OR10J1: variants seen among roughly 807,000 people sequenced by gnomAD.
OR10J1 encodes the protein olfactory receptor 10J1.
For synonymous variants in OR10J1, 202 were observed against 143.8 expected, an observed-to-expected ratio of 1.40 and a Z score of -2.89; for missense variants, 474 against 376.6, an observed-to-expected ratio of 1.26 and a Z score of -2.14.
chr1:159,439,579 T>C (rs1655842457), upstream of OR10J1: 2 of 627,730 alleles, frequency 3.2e-6, no homozygotes, highest in South Asian at 2.0e-5. Context: ...GATTCTATGA[T>C]GCATGGAAAA....
the OR10J1 span, among the ~76,000 whole-genome samples, chr1:159,420,640 T>C: frequency 6.6e-6 from 1 of 152,078 alleles, no homozygotes; most frequent in African/African-American, 2.4e-5. Flanking sequence ...ACTCTATTTC[T>C]CCTTTATATA....
At chr1:159,411,455 G>T in the OR10J1 span, among the ~76,000 whole-genome samples, 1 of 152,092 alleles carries the variant, frequency 6.6e-6, no homozygotes, top group African/African-American at 2.4e-5. Flanking sequence ...TTATGCAGTG[G>T]CCTTCTTTGT....
At position 159,440,390 on chromosome 1, in the gene OR10J1, T is replaced by C; in HGVS notation, c.599T>C (p.Ile200Thr). The C allele has an allele frequency of 6.2e-7, 1 of 1,614,166 alleles. No individual in the cohort carries two copies. The change falls in exon 1 of 1, where the codon ATT becomes ACT. Residue 200 changes from isoleucine (I) to threonine (T), a missense_variant. Physicochemically the swap from Ile to Thr is moderately conservative, Grantham distance 89. Transcript: ENST00000423932. ...ACTGTCAATGAAATCCTGACTTTGA[T>C]TATCAGTGTGCTGGTGCTTGTTGTA... Reference protein sequence around the residue: ...DTTVNEILTLIISVLVLVVPM... With the variant: ...DTTVNEILTLTISVLVLVVPM...
At chr1:159,437,694 A>C (rs1655776248), upstream of OR10J1, among the ~76,000 whole-genome samples, 1 of 134,396 alleles carries the variant, frequency 7.4e-6, no homozygotes, top group Non-Finnish European at 1.7e-5. Flanking sequence ...TGATACCTGC[A>C]TCCTCCCAGC....
the OR10J1 span, among the ~76,000 whole-genome samples, chr1:159,397,635 G>A: frequency 1.4e-4 from 21 of 152,166 alleles, no homozygotes; most frequent in African/African-American, 4.1e-4. Flanking sequence ...GGCCATGGGC[G>A]GTGGGGGCTA....
chr1:159,398,105 C>T, the OR10J1 span, among the ~76,000 whole-genome samples: 1 of 152,186 alleles, frequency 6.6e-6, no homozygotes, highest in Non-Finnish European at 1.5e-5. Flanking sequence ...GAATCTCTGC[C>T]TGGTAATACA....
chr1:159,436,083 A>G (rs1655729950), upstream of OR10J1, among the ~76,000 whole-genome samples: 1 of 152,152 alleles, frequency 6.6e-6, no homozygotes, highest in Non-Finnish European at 1.5e-5. Context: ...CCTTTTTGCC[A>G]GATACCACAT....
chr1:159,433,511 G>A (rs902758606), upstream of OR10J1, among the ~76,000 whole-genome samples: 4 of 152,210 alleles, frequency 2.6e-5, no homozygotes, highest in South Asian at 8.3e-4. Context: ...AGGTGAACTT[G>A]ACTTCATGAA....
the OR10J1 span, among the ~76,000 whole-genome samples, chr1:159,401,736 C>A: frequency 6.6e-6 from 1 of 151,962 alleles, no homozygotes; most frequent in African/African-American, 2.4e-5. Flanking sequence ...ATACGTCAAA[C>A]TCATTCTACA....
the OR10J1 span, among the ~76,000 whole-genome samples, chr1:159,424,506 T>C: frequency 1.4e-4 from 21 of 150,624 alleles, no homozygotes; most frequent in East Asian, 3.5e-3. Context: ...TACATGTATG[T>C]GTGTGTATAT....
chr1:159,405,997 C>T, the OR10J1 span: 1 of 444,434 alleles, frequency 2.3e-6, no homozygotes, highest in Non-Finnish European at 4.3e-6. Flanking sequence ...CAGAAGACCA[C>T]ATAGCAATCA....
the OR10J1 span, among the ~76,000 whole-genome samples, chr1:159,409,188 C>G: frequency 9.6e-4 from 146 of 152,182 alleles, 3 homozygotes; most frequent in South Asian, 0.029. Flanking sequence ...AGATAACTTG[C>G]ACACTGGAGA....
At chr1:159,438,280 T>C (rs142180293), upstream of OR10J1, among the ~76,000 whole-genome samples, 1 of 152,336 alleles carries the variant, frequency 6.6e-6, no homozygotes, top group African/African-American at 2.4e-5. Flanking sequence ...GATAAGATGA[T>C]ATTTTAGCCG....
the OR10J1 span, among the ~76,000 whole-genome samples, chr1:159,415,409 A>G: frequency 5.8e-4 from 88 of 152,092 alleles, no homozygotes; most frequent in African/African-American, 2.1e-3. Flanking sequence ...TGAATTCTCT[A>G]TTCTGTTTCA....
the OR10J1 span, chr1:159,406,143 A>T: frequency 4.2e-6 from 2 of 481,038 alleles, no homozygotes; most frequent in South Asian, 3.3e-5. Context: ...AATGGCCACC[A>T]TGTAGCAGGT....
At chr1:159,413,245 T>G in the OR10J1 span, among the ~76,000 whole-genome samples, 1 of 152,190 alleles carries the variant, frequency 6.6e-6, no homozygotes, top group Non-Finnish European at 1.5e-5. Flanking sequence ...TTGGTGGGAC[T>G]GTAAACTAGT....
the OR10J1 span, among the ~76,000 whole-genome samples, chr1:159,423,902 A>C: frequency 3.9e-5 from 6 of 152,302 alleles, no homozygotes; most frequent in East Asian, 1.2e-3. Context: ...GAGCTTTTTT[A>C]TTAGATATGA....
chr1:159,413,668 A>G, the OR10J1 span, among the ~76,000 whole-genome samples: 2 of 139,162 alleles, frequency 1.4e-5, no homozygotes, highest in African/African-American at 5.3e-5. Flanking sequence ...GAAGGGGAAC[A>G]TCACACTCTA....
In OR10J1 at chr1:159,440,564, A is replaced by T. The variant is rs41264479; in HGVS notation, c.773A>T (p.Tyr258Phe). 4.2e-3 allele frequency: 6,770 copies of T among 1,613,462 alleles called. 33 individuals are homozygous for T. Among genetic ancestry groups the T allele is most frequent in the Non-Finnish European group, 5.1e-3 (6,004 of 1,179,878 alleles). ...CACTACAGCTGTGCCTCCATTGCCTACCTCAAGCCCAAGTCAGAGAACACC... is the reference window on the plus strand; with the variant it reads ...CACTACAGCTGTGCCTCCATTGCCTTCCTCAAGCCCAAGTCAGAGAACACC... Reference protein sequence around the residue: ...IVHYSCASIAYLKPKSENTRE... With the variant: ...IVHYSCASIAFLKPKSENTRE... The change falls in exon 1 of 1, where the codon TAC becomes TTC. Residue 258 changes from tyrosine (Y) to phenylalanine (F), a missense_variant. By Grantham distance (22) the Tyr-to-Phe change is conservative (BLOSUM62 3). Transcript: ENST00000423932.
Sources: gnomAD v4.1 joint callset for allele counts (sites outside exome capture counted in the v4.1 genomes callset) on GRCh38, gnomAD v4.1.1 for gene constraint, MANE v1.5 for transcripts, NCBI Gene and HGNC (gene_info 2026-07-23, HGNC 2026-07-21) for gene names.